The following ERCC3 variants were observed in gnomAD, a reference collection of about 807,000 sequenced individuals.
ERCC3 encodes the protein ERCC excision repair 3, TFIIH core complex helicase subunit.
Under a neutral mutation model 94.2 loss-of-function variants are expected in ERCC3, and 66 were observed. The ratio of observed to expected loss-of-function variants is 0.70; its 90% CI spans 0.57 to 0.86. The LOEUF is 0.86. ERCC3 is among the 40% of genes least tolerant of loss of function. The pLI, the probability that ERCC3 is intolerant of heterozygous loss-of-function variation, is 0.00. For missense variants in ERCC3, 829 were observed against 987.1 expected (o/e 0.84, Z 2.15); for synonymous variants, 349 against 369.1 (o/e 0.95, Z 0.63).
At chr2:127,265,709 G>A (rs568478527) in intron 12 of ERCC3, among the ~76,000 whole-genome samples, 4 of 152,190 alleles carry the variant, frequency 2.6e-5, no homozygotes, top group South Asian at 2.1e-4. Context: ...GAGCCACTGC[G>A]ACTGGCCTTA....
rs749873293 is a variant in ERCC3, at chr2:127,279,155, C to A, written c.1730+18G>T. On this transcript the variant is annotated intron_variant, in intron 10 of 14. Transcript: ENST00000285398. The surrounding 1 kb of genome is among the most constrained non-coding windows in gnomAD (Gnocchi z 4.7). The stretch of plus-strand genomic sequence containing the variant: ...AGAGAAACTGGCCTGGAGGAAGCTC[C>A]AAGTTTTCAATTCTTACTTGTTCAG... 5 of 1,577,388 alleles carry A rather than the reference C, an allele frequency of 3.2e-6. No homozygotes were observed. The highest frequency in any genetic ancestry group is 1.3e-5 in the African/African-American group (1 of 74,178).
chr2:127,270,962 T>A lies in ERCC3; in HGVS notation c.1945+374A>T, dbSNP rs150724039. Among the ~76,000 whole-genome samples the A allele has an allele frequency of 1.3e-3, 201 of 152,288 alleles. 2 individuals are homozygous for A. The highest frequency in any genetic ancestry group is 4.1e-3 in the African/African-American group (170 of 41,556). ...TACCAAACCTTTCCCTGCCTCCTGA[T>A]CAAGTTCCAGAAGCAGCTTCCAGCT... On this transcript the variant is annotated intron_variant, in intron 12 of 14. Coordinates refer to ENST00000285398, the MANE Select transcript of ERCC3 (RefSeq NM_000122.2).
chr2:127,261,353 G>GA lies in ERCC3; in HGVS notation c.1946-8dup, dbSNP rs754319939. 8.7e-6 allele frequency: 13 copies of GA among 1,490,774 alleles called. No individual in the cohort carries two copies. The highest frequency in any genetic ancestry group is 2.8e-5 in the African/African-American group (2 of 72,536). 92.3% of individuals were successfully genotyped at this position (1,490,774 alleles called of 1,614,324 possible). A position where few individuals can be genotyped will look rare whatever the true frequency, so the allele number is the denominator to read the frequency against. On this transcript the variant is annotated splice_region_variant and splice_polypyrimidine_tract_variant and intron_variant, in intron 12 of 14. Transcript: ENST00000285398. Reference sequence around the variant, plus strand: ...TACTCTTCTGCAACCATCCCTGCAGGAAAAAATGAGAAACGGCAATAAAGA... The same window carrying GA: ...TACTCTTCTGCAACCATCCCTGCAGGAAAAAAATGAGAAACGGCAATAAAGA...
Position 127,288,884 on chromosome 2 carries a change from G to A in ERCC3, c.823-20C>T, listed in dbSNP as rs527950048. The A allele has an allele frequency of 1.1e-5, 18 of 1,599,682 alleles. No homozygotes were observed. The South Asian group carries it at 1.9e-4, about 17-fold the overall frequency. On this transcript the variant is annotated intron_variant, in intron 6 of 14. Transcript: ENST00000285398. ...CATTTCCTGGAAAGAGGGCACAAAA[G>A]GGGTTTTAAAATCTTGTTACTGTGC...
chr2:127,264,379 T>A lies in ERCC3; in HGVS notation c.1946-3033A>T, dbSNP rs1684288921. ...TACTTGGGAGGCTGAGGCAGGAGAA[T>A]AGTTTGAATCTGGGAAGCAGAGGTT... On this transcript the variant is annotated intron_variant, in intron 12 of 14. Transcript: ENST00000285398. The surrounding 1 kb of genome is among the most constrained non-coding windows in gnomAD (Gnocchi z 4.4). 6.6e-6 allele frequency among the ~76,000 whole-genome samples: 1 copy of A among 152,166 alleles called. No individual in the cohort carries two copies. The highest frequency in any genetic ancestry group is 1.5e-5 in the Non-Finnish European group (1 of 68,026).
At chr2:127,275,981 CAGG>C (rs1684725955) in intron 10 of ERCC3, among the ~76,000 whole-genome samples, 3 of 152,158 alleles carry the variant, frequency 2.0e-5, no homozygotes, top group Admixed American at 2.0e-4. Context: ...GGGAGGTGCA[CAGG>C]AGGACTGGCA....
Position 127,279,417 on chromosome 2 carries a change from A to C in ERCC3, c.1528-42T>G, listed in dbSNP as rs1461394652. 1.4e-6 allele frequency: 2 copies of C among 1,448,854 alleles called. No homozygotes were observed. Among genetic ancestry groups the C allele is most frequent in the African/African-American group, 1.4e-5 (1 of 71,510 alleles). 89.7% of individuals were successfully genotyped at this position (1,448,854 alleles called of 1,614,324 possible). On this transcript the variant is annotated intron_variant, in intron 9 of 14. Coordinates refer to ENST00000285398, the MANE Select transcript of ERCC3 (RefSeq NM_000122.2). This position sits in a 1 kb window ranked among gnomAD's most constrained non-coding sequence, Gnocchi z 4.7. ...ACCAGGGGTCATTTTACAAGTTTAA[A>C]CACCACACAATTTAAAACTTTTGAA...
chr2:127,270,456 G>A (rs1335340360), intron 12 of ERCC3, among the ~76,000 whole-genome samples: 3 of 152,312 alleles, frequency 2.0e-5, no homozygotes, highest in African/African-American at 7.2e-5. Context: ...TGACACAGCT[G>A]GCTTGGTGCC....
chr2:127,293,981 C>T (rs1465941850), intron 1 of ERCC3, 73 bp downstream of exon 1: 2 of 1,574,720 alleles, frequency 1.3e-6, no homozygotes, highest in African/African-American at 1.3e-5. Flanking sequence ...AGGCCCGGAG[C>T]AGCTCCGAGG....
chr2:127,258,834 C>T lies in ERCC3; in HGVS notation c.2217+462G>A, dbSNP rs1289539162. On this transcript the variant is annotated intron_variant, in intron 14 of 14. Coordinates refer to ENST00000285398, the MANE Select transcript of ERCC3 (RefSeq NM_000122.2). The surrounding 1 kb of genome is among the most constrained non-coding windows in gnomAD (Gnocchi z 4.1). ...TTTTCAAAGTTAAGTATCGAAGCTACCACAAGAGTTGATCCTCAGAGCAGT... is the reference window on the plus strand; with the variant it reads ...TTTTCAAAGTTAAGTATCGAAGCTATCACAAGAGTTGATCCTCAGAGCAGT... 6.6e-6 allele frequency among the ~76,000 whole-genome samples: 1 copy of T among 152,178 alleles called. No individual in the cohort carries two copies. Among genetic ancestry groups the T allele is most frequent in the Non-Finnish European group, 1.5e-5 (1 of 68,038 alleles).
At position 127,272,007 on chromosome 2, in the gene ERCC3, C is replaced by CTTTTTT. The variant is rs59921131; in HGVS notation, c.1828-560_1828-555dup. ...GCCACAATCACATAAAATCTCATTTCTTTTTTTTTTTTTTTTTTTTTTTTT... is the reference window on the plus strand; with the variant it reads ...GCCACAATCACATAAAATCTCATTTCTTTTTTTTTTTTTTTTTTTTTTTTTTTTTTT... On this transcript the variant is annotated intron_variant, in intron 11 of 14. Coordinates refer to ENST00000285398, the MANE Select transcript of ERCC3 (RefSeq NM_000122.2). Among the ~76,000 whole-genome samples the CTTTTTT allele has an allele frequency of 4.0e-4, 25 of 63,058 alleles. 1 individual carries two copies. Among genetic ancestry groups the CTTTTTT allele is most frequent in the East Asian group, 6.2e-4 (1 of 1,616 alleles). 41.4% of individuals were successfully genotyped at this position (63,058 alleles called of 152,430 possible).
rs146054889 is a variant in ERCC3, at chr2:127,290,176, G to A, written c.521+48C>T. On this transcript the variant is annotated intron_variant, in intron 4 of 14. Coordinates refer to ENST00000285398, the MANE Select transcript of ERCC3 (RefSeq NM_000122.2). Reference sequence around the variant, plus strand: ...CATATCCCTTTATTCCTGCTGGTGCGCAGAAAGTGACAGTGCCTTGGGACA... The same window carrying A: ...CATATCCCTTTATTCCTGCTGGTGCACAGAAAGTGACAGTGCCTTGGGACA... The A allele has an allele frequency of 4.9e-4, 711 of 1,452,550 alleles. 9 individuals carry two copies. The African/African-American group carries it at 8.2e-3, about 17-fold the overall frequency. 90.0% of individuals were successfully genotyped at this position (1,452,550 alleles called of 1,614,324 possible).
intron 10 of ERCC3, among the ~76,000 whole-genome samples, chr2:127,278,848 C>T (rs1025342411): frequency 1.3e-5 from 2 of 152,204 alleles, no homozygotes; most frequent in Non-Finnish European, 1.5e-5. Context: ...AGAGCTCACA[C>T]AGCCCAAAGC....
At chr2:127,292,962 T>G in intron 2 of ERCC3, 116 bp from the exon 3 acceptor site, 1 of 731,774 alleles carries the variant, frequency 1.4e-6, no homozygotes, top group Non-Finnish European at 2.4e-6. Flanking sequence ...CAGATATTCT[T>G]GCAAGCACTC....
At chr2:127,278,052 C>A (rs894757894) in intron 10 of ERCC3, among the ~76,000 whole-genome samples, 3 of 151,944 alleles carry the variant, frequency 2.0e-5, no homozygotes, top group Non-Finnish European at 4.4e-5. Context: ...CCAGCCTGGG[C>A]AACATAGCAA....
rs184932303 is a variant in ERCC3 at position 127,266,112 on chromosome 2, C to A, written c.1946-4766G>T. Among the ~76,000 whole-genome samples the A allele has an allele frequency of 6.8e-4, 102 of 149,044 alleles. 2 individuals carry two copies. In the South Asian group the frequency reaches 0.014, roughly 21 times the overall value. ...TTTTTTTCTTTTTTCTTTTATTTAG[C>A]GATGAGGTCTCGCTATGTTGCCCAG... On this transcript the variant is annotated intron_variant, in intron 12 of 14. Coordinates refer to ENST00000285398, the MANE Select transcript of ERCC3 (RefSeq NM_000122.2).
At position 127,294,071 on chromosome 2, in the gene ERCC3, C is replaced by T; in HGVS notation, c.11G>A (p.Arg4Lys). Residue 4 changes from arginine to lysine, a missense_variant, in exon 1 of 15, where the codon AGA becomes AAA. Coordinates refer to ENST00000285398, the MANE Select transcript of ERCC3 (RefSeq NM_000122.2). MGK[R>K]DRADRDKKKS... ...CGTCTCACCGCGGTCCGCTCGGTCTCTTTTGCCCATGGCAGCTACAGCAGC... is the reference window on the plus strand; with the variant it reads ...CGTCTCACCGCGGTCCGCTCGGTCTTTTTTGCCCATGGCAGCTACAGCAGC... 3 of 1,608,362 alleles carry T rather than the reference C, an allele frequency of 1.9e-6. No homozygotes were observed. Among genetic ancestry groups the T allele is most frequent in the South Asian group, 1.1e-5 (1 of 90,962 alleles).
chr2:127,257,813 T>C lies in ERCC3; in HGVS notation c.2218-86A>G. On this transcript the variant is annotated intron_variant, in intron 14 of 14. Coordinates refer to ENST00000285398, the MANE Select transcript of ERCC3 (RefSeq NM_000122.2). This position sits in a 1 kb window ranked among gnomAD's most constrained non-coding sequence, Gnocchi z 5.4. ...ATACTTATAATCACAGCAAATTTTA[T>C]AAGACTTACATAAATTTAATACATC... 1.4e-6 allele frequency: 2 copies of C among 1,431,960 alleles called. No homozygotes were observed. Among genetic ancestry groups the C allele is most frequent in the Non-Finnish European group, 2.0e-6 (2 of 1,022,742 alleles). The allele number at this position is 1,431,960 out of a possible 1,614,324, so 88.7% of individuals were successfully genotyped here.
intron 4 of ERCC3, 38 bp from the exon 5 acceptor site, chr2:127,289,862 C>T (rs572394494): frequency 1.2e-6 from 2 of 1,611,006 alleles, no homozygotes; most frequent in South Asian, 1.1e-5. Context: ...TACTGACCAG[C>T]AGGTACCTCC....
Sources: allele counts gnomAD v4.1 joint callset (sites outside exome capture counted in the v4.1 genomes callset), GRCh38; gene constraint gnomAD v4.1.1; non-coding constraint Gnocchi (gnomAD v3.1); transcripts MANE v1.5; gene names NCBI Gene and HGNC (gene_info 2026-07-23, HGNC 2026-07-21).